SLCO3A1: variants seen among roughly 807,000 people sequenced by gnomAD.
SLCO3A1 encodes PGE1 transporter.
Under a neutral mutation model 63.1 loss-of-function variants are expected in SLCO3A1, and 27 were observed. The observed-to-expected ratio is 0.43, with a 90% CI of 0.32 to 0.59. The LOEUF is 0.59. Among genes scored for constraint, SLCO3A1 ranks in the 20% least tolerant of loss-of-function variants. The pLI is 0.09. For synonymous variants in SLCO3A1, 473 were observed against 409.9 expected (o/e 1.15, Z -1.86); for missense variants, 773 against 945.8 (o/e 0.82, Z 2.40).
intron 2 of SLCO3A1, among the ~76,000 whole-genome samples, chr15:92,044,948 C>T (rs2046842651): frequency 6.6e-6 from 1 of 152,166 alleles, no homozygotes; most frequent in Non-Finnish European, 1.5e-5. Flanking sequence ...TCTCTCATCT[C>T]CAGCCATCCT....
intron 2 of SLCO3A1, among the ~76,000 whole-genome samples, chr15:92,032,516 T>C (rs1286945354): frequency 1.3e-5 from 2 of 152,046 alleles, no homozygotes; most frequent in Non-Finnish European, 2.9e-5. Context: ...GTATGGTCGG[T>C]GCTGAAGCTG....
chr15:92,074,482 G>A (rs1210283936), intron 2 of SLCO3A1, among the ~76,000 whole-genome samples: 1 of 152,142 alleles, frequency 6.6e-6, no homozygotes, highest in Non-Finnish European at 1.5e-5. Context: ...CTGGTCTCAG[G>A]TGGGCCTTAA....
At chr15:92,072,525 T>G (rs774905281) in intron 2 of SLCO3A1, among the ~76,000 whole-genome samples, 2 of 152,202 alleles carry the variant, frequency 1.3e-5, no homozygotes, top group Non-Finnish European at 2.9e-5. Context: ...TGCAACAACT[T>G]TACGCAAAAA....
At chr15:92,107,683 C>T (rs2047682344) in intron 4 of SLCO3A1, among the ~76,000 whole-genome samples, 3 of 152,214 alleles carry the variant, frequency 2.0e-5, no homozygotes, top group Admixed American at 2.0e-4. Flanking sequence ...TCTGTGCCCC[C>T]TGCCATGCTC....
At chr15:91,901,621 A>G (rs1422132616) in intron 1 of SLCO3A1, among the ~76,000 whole-genome samples, 1 of 152,202 alleles carries the variant, frequency 6.6e-6, no homozygotes, top group Non-Finnish European at 1.5e-5. Flanking sequence ...TGCCGGATGT[A>G]GAATTCTTGG....
chr15:91,882,763 C>G lies in SLCO3A1; in HGVS notation c.180+28675C>G, dbSNP rs1379591788. On this transcript the variant is annotated intron_variant, in intron 1 of 9. Transcript: ENST00000318445. This position sits in a 1 kb window ranked among gnomAD's most constrained non-coding sequence, Gnocchi z 4.4. ...TCTCGAACTCCTGACCTCAGGTCAT[C>G]TGCCCATCTCGGCCTTCCAAAGTGC... is the stretch of plus-strand genomic sequence containing the variant. Among the ~76,000 whole-genome samples the G allele has an allele frequency of 6.6e-6, 1 of 152,220 alleles. No homozygotes were observed. Among genetic ancestry groups the G allele is most frequent in the African/African-American group, 2.4e-5 (1 of 41,458 alleles).
At chr15:92,031,042 G>GGGAGGGAA (rs913918779) in intron 2 of SLCO3A1, among the ~76,000 whole-genome samples, 1 of 146,356 alleles carries the variant, frequency 6.8e-6, no homozygotes, top group Admixed American at 6.8e-5. Flanking sequence ...GAGGGAGGGA[G>GGGAGGGAA]GGAAGGGGAG....
intron 1 of SLCO3A1, among the ~76,000 whole-genome samples, chr15:91,855,602 A>G (rs867916864): frequency 2.3e-4 from 35 of 152,222 alleles, no homozygotes; most frequent in African/African-American, 8.0e-4. Context: ...AGTTGCAGAC[A>G]GTACCTATTA....
intron 2 of SLCO3A1, among the ~76,000 whole-genome samples, chr15:91,922,197 C>CACACACACAT (rs1207185691): frequency 5.3e-5 from 1 of 18,832 alleles, no homozygotes; most frequent in East Asian, 0.031. Flanking sequence ...CGCGTGCACG[C>CACACACACAT]ACACACACAC....
chr15:91,908,561 A>G (rs1898383733), intron 1 of SLCO3A1: 1 of 152,092 alleles, frequency 6.6e-6, no homozygotes, highest in South Asian at 2.1e-4. Flanking sequence ...CTAGAACTGT[A>G]AATGACTCAC....
chr15:91,963,078 C>G (rs1039601796), intron 2 of SLCO3A1, among the ~76,000 whole-genome samples: 1 of 152,016 alleles, frequency 6.6e-6, no homozygotes, highest in South Asian at 2.1e-4. Context: ...GGGTGATTAC[C>G]CTTGTCTCCT....
rs913347341 is a variant in SLCO3A1 at position 92,033,610 on chromosome 15, A to T, written c.647-61271A>T. ...ATGCTAGCTTAAGAGCTGTGCATAC[A>T]GCAGCAAACAAAATAGAGAAAAATC... On this transcript the variant is annotated intron_variant, in intron 2 of 9. Transcript: ENST00000318445. The surrounding 1 kb of genome is among the most constrained non-coding windows in gnomAD (Gnocchi z 4.5). 6.6e-6 allele frequency among the ~76,000 whole-genome samples: 1 copy of T among 152,256 alleles called. No individual in the cohort carries two copies. Among genetic ancestry groups the T allele is most frequent in the Non-Finnish European group, 1.5e-5 (1 of 68,052 alleles).
rs1900720285 is a variant in SLCO3A1, at chr15:91,967,979, G to A, written c.646+51521G>A. ...CTCCCCTCTTCCTGCAGAGATGCAA[G>A]ATGGCTTTGAAATGTCCCTATCTTC... On this transcript the variant is annotated intron_variant, in intron 2 of 9. Coordinates refer to ENST00000318445, the MANE Select transcript of SLCO3A1 (RefSeq NM_013272.4). This position sits in a 1 kb window ranked among gnomAD's most constrained non-coding sequence, Gnocchi z 4.4. 6.6e-6 allele frequency among the ~76,000 whole-genome samples: 1 copy of A among 152,174 alleles called. No individual in the cohort carries two copies. Among genetic ancestry groups the A allele is most frequent in the Non-Finnish European group, 1.5e-5 (1 of 68,036 alleles).
chr15:92,049,982 G>T (rs1354404056), intron 2 of SLCO3A1, among the ~76,000 whole-genome samples: 1 of 152,178 alleles, frequency 6.6e-6, no homozygotes, highest in Admixed American at 6.6e-5. Context: ...ATTTCTTCCA[G>T]CTTAAAATGA....
rs2141840535 is a variant in SLCO3A1, at chr15:91,862,646, G to C, written c.180+8558G>C. The stretch of plus-strand genomic sequence containing the variant: ...TCCATTGATACCTAAATTTCTAGTT[G>C]TGCAGAGCGTGAAGAAATGAGCAGG... On this transcript the variant is annotated intron_variant, in intron 1 of 9. Coordinates refer to ENST00000318445, the MANE Select transcript of SLCO3A1 (RefSeq NM_013272.4). The surrounding 1 kb of genome is among the most constrained non-coding windows in gnomAD (Gnocchi z 4.0). Among the ~76,000 whole-genome samples, 1 of 152,316 alleles carries C rather than the reference G, an allele frequency of 6.6e-6. No homozygotes were observed. Among genetic ancestry groups the C allele is most frequent in the Non-Finnish European group, 1.5e-5 (1 of 68,030 alleles).
intron 1 of SLCO3A1, among the ~76,000 whole-genome samples, chr15:91,888,061 T>A (rs961454911): frequency 6.6e-6 from 1 of 152,206 alleles, no homozygotes; most frequent in African/African-American, 2.4e-5. Flanking sequence ...GATTTGAGAT[T>A]ATTTTAAACC....
At chr15:92,166,559 A>T (rs2048494668), downstream of SLCO3A1, among the ~76,000 whole-genome samples, 1 of 151,736 alleles carries the variant, frequency 6.6e-6, no homozygotes, top group African/African-American at 2.4e-5. Flanking sequence ...GCTTCCCCTC[A>T]CTCACACTAT....
chr15:92,017,291 G>C lies in SLCO3A1; in HGVS notation c.647-77590G>C, dbSNP rs57465181. 3.8e-3 allele frequency among the ~76,000 whole-genome samples: 574 copies of C among 152,176 alleles called. 1 individual carries two copies. Among genetic ancestry groups the C allele is most frequent in the African/African-American group, 0.012 (486 of 41,524 alleles). On this transcript the variant is annotated intron_variant, in intron 2 of 9. Coordinates refer to ENST00000318445, the MANE Select transcript of SLCO3A1 (RefSeq NM_013272.4). Reference sequence around the variant, plus strand: ...GAGTTGGAGGAGCTGGGATTGGGGGGGGGTAGGGAAAGAGCAGGTGGCATT... The same window carrying C: ...GAGTTGGAGGAGCTGGGATTGGGGGCGGGTAGGGAAAGAGCAGGTGGCATT...
At chr15:92,099,340 C>T (rs1180807464) in intron 3 of SLCO3A1, among the ~76,000 whole-genome samples, 1 of 152,178 alleles carries the variant, frequency 6.6e-6, no homozygotes, top group Non-Finnish European at 1.5e-5. Context: ...TTAGTCCCTT[C>T]CTGTCTCCAG....
Sources: allele counts gnomAD v4.1 joint callset (sites outside exome capture counted in the v4.1 genomes callset), GRCh38; gene constraint gnomAD v4.1.1; non-coding constraint Gnocchi (gnomAD v3.1); transcripts MANE v1.5; gene names NCBI Gene and HGNC (gene_info 2026-07-23, HGNC 2026-07-21).